The following CEP41 variants were observed in gnomAD, a reference collection of about 807,000 sequenced individuals.
CEP41 encodes centrosomal protein of 41 kDa.
In CEP41, 32 loss-of-function variants were observed where a neutral mutation model predicts 44.3. That is an observed-to-expected ratio of 0.72 (90% CI 0.54 to 0.97). The LOEUF (loss-of-function observed/expected upper bound fraction) is 0.97. Ranked by LOEUF, CEP41 falls within the 50% of genes least tolerant of loss-of-function variation. CEP41 has a pLI of 0.00. For missense variants in CEP41, 432 were observed against 455.2 expected (o/e 0.95, Z 0.46); for synonymous variants, 151 against 168.5 (o/e 0.90, Z 0.80).
chr7:130,399,390 G>C (rs1372954305), intron 10 of CEP41: 1 of 320,146 alleles, frequency 3.1e-6, no homozygotes, highest in Non-Finnish European at 5.9e-6. Context: ...AACTAAGGTA[G>C]GAAGACAAAC....
At chr7:130,439,689 T>C (rs1554427041) in intron 1 of CEP41, among the ~76,000 whole-genome samples, 1 of 152,184 alleles carries the variant, frequency 6.6e-6, no homozygotes, top group Non-Finnish European at 1.5e-5. Flanking sequence ...CTTACAGCTT[T>C]CTCAGCCTAG....
rs1554415701 is a variant in CEP41, at chr7:130,398,251, C to G, written c.*640G>C. 4.4e-6 allele frequency: 2 copies of G among 454,008 alleles called. No individual in the cohort carries two copies. The highest frequency in any genetic ancestry group is 2.3e-5 in the Admixed American group (1 of 42,556). 28.1% of individuals were successfully genotyped at this position (454,008 alleles called of 1,614,324 possible). On this transcript the variant is annotated 3_prime_UTR_variant, in exon 11 of 11. Transcript: ENST00000223208. ...GAAATATCTAGTAAGGGGGAGCATT[C>G]AGTGAGTGTACAGCTACTTTCCTCA...
chr7:130,395,911 G>A lies in CEP41; in HGVS notation c.*2980C>T, dbSNP rs1554414302. The A allele has an allele frequency of 4.5e-6, 2 of 442,706 alleles. No homozygotes were observed. Among genetic ancestry groups the A allele is most frequent in the Admixed American group, 2.5e-5 (1 of 40,766 alleles). The allele number at this position is 442,706 out of a possible 1,614,324, so 27.4% of individuals were successfully genotyped here. On this transcript the variant is annotated 3_prime_UTR_variant, in exon 11 of 11. Coordinates refer to ENST00000223208, the MANE Select transcript of CEP41 (RefSeq NM_018718.3). Reference sequence around the variant, plus strand: ...AAAAAAAAAAGATAAAAGATAAAATGAATGCAGGCCATTTAAATCATTCCA... The same window carrying A: ...AAAAAAAAAAGATAAAAGATAAAATAAATGCAGGCCATTTAAATCATTCCA...
chr7:130,394,716 G>A lies in CEP41; in HGVS notation c.*4175C>T. On this transcript the variant is annotated 3_prime_UTR_variant, in exon 11 of 11. Coordinates refer to ENST00000223208, the MANE Select transcript of CEP41 (RefSeq NM_018718.3). ...ACTAGCACTGAGTGGCCACCACAGT[G>A]GGCATCACATCCAAACTTCAATCTT... is the stretch of plus-strand genomic sequence containing the variant. 6.6e-6 allele frequency: 3 copies of A among 454,046 alleles called. No individual in the cohort carries two copies. The highest frequency in any genetic ancestry group is 6.9e-4 in the Middle Eastern group (1 of 1,444). 28.1% of individuals were successfully genotyped at this position (454,046 alleles called of 1,614,324 possible).
At chr7:130,433,928 G>A (rs192485427) in intron 1 of CEP41, among the ~76,000 whole-genome samples, 12 of 152,312 alleles carry the variant, frequency 7.9e-5, no homozygotes, top group African/African-American at 2.2e-4. Flanking sequence ...TGGGCAGCAC[G>A]GACATGGAGG....
rs782272953 is a variant in CEP41, at chr7:130,400,273, C to T, written c.758-19G>A. Reference sequence around the variant, plus strand: ...TTTAGACCTAGGTTTGGAAAATCATCAGAAAAAGCTGCATTAATATGGCAA... The same window carrying T: ...TTTAGACCTAGGTTTGGAAAATCATTAGAAAAAGCTGCATTAATATGGCAA... On this transcript the variant is annotated intron_variant, in intron 9 of 10. Coordinates refer to ENST00000223208, the MANE Select transcript of CEP41 (RefSeq NM_018718.3). The T allele has an allele frequency of 6.3e-7, 1 of 1,584,138 alleles. No individual in the cohort carries two copies. Among genetic ancestry groups the T allele is most frequent in the Non-Finnish European group, 8.7e-7 (1 of 1,152,996 alleles).
At chr7:130,401,086 T>C (rs1476222645) in intron 8 of CEP41, 1 of 448,852 alleles carries the variant, frequency 2.2e-6, no homozygotes, top group African/African-American at 2.0e-5. Flanking sequence ...TTAGCTCTCT[T>C]ATCCCTATGA....
intron 1 of CEP41, among the ~76,000 whole-genome samples, chr7:130,429,221 C>T (rs539483956): frequency 6.6e-6 from 1 of 152,308 alleles, no homozygotes; most frequent in African/African-American, 2.4e-5. Flanking sequence ...GGCAGGCTCC[C>T]GCTGCTCCCC....
At position 130,395,679 on chromosome 7, in the gene CEP41, A is replaced by C. The variant is rs782621177; in HGVS notation, c.*3212T>G. Reference sequence around the variant, plus strand: ...ACTCTGATTTCACTTACATTCCACAAGGGAATTAGAGAAAACACGATTTTT... The same window carrying C: ...ACTCTGATTTCACTTACATTCCACACGGGAATTAGAGAAAACACGATTTTT... On this transcript the variant is annotated 3_prime_UTR_variant, in exon 11 of 11. Coordinates refer to ENST00000223208, the MANE Select transcript of CEP41 (RefSeq NM_018718.3). 7.1e-5 allele frequency: 32 copies of C among 453,692 alleles called. No individual in the cohort carries two copies. The highest frequency in any genetic ancestry group is 6.4e-4 in the African/African-American group (32 of 49,954). The allele number at this position is 453,692 out of a possible 1,614,324, so 28.1% of individuals were successfully genotyped here. A position where few individuals can be genotyped will look rare whatever the true frequency, so the allele number is the denominator to read the frequency against.
At chr7:130,404,494 A>T in intron 6 of CEP41, 70 bp downstream of exon 6, 1 of 1,277,002 alleles carries the variant, frequency 7.8e-7, no homozygotes, top group Non-Finnish European at 1.1e-6. Context: ...AAAAAAAAAG[A>T]TCCCTGAAAT....
chr7:130,411,250 T>C (rs1554419669), intron 4 of CEP41, 59 bp from the exon 5 acceptor site: 2 of 1,421,082 alleles, frequency 1.4e-6, no homozygotes, highest in African/African-American at 2.8e-5. Context: ...AGACGCAATT[T>C]TGTCTTTTAC....
In CEP41 at chr7:130,404,574, T is replaced by G; in HGVS notation, c.412A>C (p.Thr138Pro). Reference sequence around the variant, plus strand: ...ATCAGCTTCGAGTACCTCTGAAGAGTTGAGCGGCTGGAGTCCCCTGCTCCT... The same window carrying G: ...ATCAGCTTCGAGTACCTCTGAAGAGGTGAGCGGCTGGAGTCCCCTGCTCCT... ...NAGAGDSSRS[T>P]LQSVISGVGE... The change falls in exon 6 of 11, where the codon ACT becomes CCT. Residue 138 changes from threonine (T) to proline (P), a missense_variant. Thr to Pro is a conservative substitution (Grantham distance 38). Coordinates refer to ENST00000223208, the MANE Select transcript of CEP41 (RefSeq NM_018718.3). 1.2e-6 allele frequency: 2 copies of G among 1,613,712 alleles called. No individual in the cohort carries two copies. Among genetic ancestry groups the G allele is most frequent in the Non-Finnish European group, 1.7e-6 (2 of 1,179,770 alleles).
At chr7:130,426,562 T>C (rs551874022) in intron 2 of CEP41, 7 of 433,558 alleles carry the variant, frequency 1.6e-5, no homozygotes, top group African/African-American at 8.3e-5. Flanking sequence ...CCTTCCTTTA[T>C]AGTAGTCTGT....
upstream of CEP41, among the ~76,000 whole-genome samples, chr7:130,441,626 C>T (rs1426154286): frequency 6.6e-6 from 1 of 152,230 alleles, no homozygotes; most frequent in Admixed American, 6.5e-5. Flanking sequence ...TTCTGTGGTT[C>T]ATCGTTCATT....
chr7:130,402,338 A>G (rs2117562566), intron 7 of CEP41, among the ~76,000 whole-genome samples: 1 of 131,402 alleles, frequency 7.6e-6, no homozygotes, highest in Non-Finnish European at 1.7e-5. Context: ...AGAGCAAGGT[A>G]TTAACAAAAA....
rs1796591056 is a variant in CEP41 at position 130,393,991 on chromosome 7, C to G, written c.*4900G>C. The G allele has an allele frequency of 2.2e-6, 1 of 453,950 alleles. No individual in the cohort carries two copies. The highest frequency in any genetic ancestry group is 2.4e-5 in the Admixed American group (1 of 42,542). The allele number at this position is 453,950 out of a possible 1,614,324, so 28.1% of individuals were successfully genotyped here. A position where few individuals can be genotyped will look rare whatever the true frequency, so the allele number is the denominator to read the frequency against. On this transcript the variant is annotated 3_prime_UTR_variant, in exon 11 of 11. Coordinates refer to ENST00000223208, the MANE Select transcript of CEP41 (RefSeq NM_018718.3). ...GTGGAAATGTGGAAATACGCATTCC[C>G]CAGAGCAGATGTTTCAGTTCCTGAA... is the stretch of plus-strand genomic sequence containing the variant.
At chr7:130,402,152 C>T (rs960347413) in intron 7 of CEP41, among the ~76,000 whole-genome samples, 3 of 151,838 alleles carry the variant, frequency 2.0e-5, no homozygotes, top group East Asian at 1.9e-4. Flanking sequence ...GAGACCAGCC[C>T]GGGCAACATG....
At chr7:130,440,618 T>C (rs1383838388) in intron 1 of CEP41, 1 of 550,472 alleles carries the variant, frequency 1.8e-6, no homozygotes, top group Admixed American at 3.1e-5. Flanking sequence ...CCTTTGTCTT[T>C]TCTGTTTTGT....
rs782298921 is a variant in CEP41 at position 130,398,683 on chromosome 7, C to G, written c.*208G>C. On this transcript the variant is annotated 3_prime_UTR_variant, in exon 11 of 11. Coordinates refer to ENST00000223208, the MANE Select transcript of CEP41 (RefSeq NM_018718.3). ...GAGGAGACTAGAGCCTGTCACACCTCTGGTTTTTATGGTCACCTGTCAAAA... is the reference window on the plus strand; with the variant it reads ...GAGGAGACTAGAGCCTGTCACACCTGTGGTTTTTATGGTCACCTGTCAAAA... The G allele has an allele frequency of 1.5e-5, 11 of 747,650 alleles. No individual in the cohort carries two copies. Among genetic ancestry groups the G allele is most frequent in the Non-Finnish European group, 2.4e-5 (10 of 411,250 alleles). The allele number at this position is 747,650 out of a possible 1,614,324, so 46.3% of individuals were successfully genotyped here.
Sources: gnomAD v4.1 joint callset for allele counts (sites outside exome capture counted in the v4.1 genomes callset) on GRCh38, gnomAD v4.1.1 for gene constraint, MANE v1.5 for transcripts, NCBI Gene and HGNC (gene_info 2026-07-23, HGNC 2026-07-21) for gene names.